RAB10: variants seen among roughly 807,000 people sequenced by gnomAD.
RAB10 encodes the protein RAB10, member RAS oncogene family.
In RAB10, 5 loss-of-function variants were observed where a neutral mutation model predicts 25.7. The observed-to-expected ratio is 0.19, with a 90% CI of 0.10 to 0.41. The LOEUF is 0.41. Among genes scored for constraint, RAB10 ranks in the 10% least tolerant of loss-of-function variants. The pLI is 1.00. For synonymous variants in RAB10, 89 were observed against 86.4 expected (o/e 1.03, Z -0.16); for missense variants, 103 against 245.8 (o/e 0.42, Z 3.89).
chr2:26,073,791 A>G (rs1269275972), intron 1 of RAB10, among the ~76,000 whole-genome samples: 1 of 152,210 alleles, frequency 6.6e-6, no homozygotes, highest in Non-Finnish European at 1.5e-5. Context: ...TACAGAAGGG[A>G]ATGATTCGAG....
chr2:26,108,732 G>A (rs1240886712), intron 2 of RAB10, among the ~76,000 whole-genome samples: 2 of 152,058 alleles, frequency 1.3e-5, no homozygotes, highest in African/African-American at 2.4e-5. Context: ...AAAGCTGGGT[G>A]AAAGGTACCC....
intron 1 of RAB10, among the ~76,000 whole-genome samples, chr2:26,054,054 T>TTC (rs1427170739): frequency 0.02 from 2,871 of 144,518 alleles, 137 homozygotes; most frequent in African/African-American, 0.074. Flanking sequence ...TTTTTTTTTT[T>TTC]CCTGTTTTTT....
upstream of RAB10, among the ~76,000 whole-genome samples, chr2:26,033,830 G>T (rs1418706194): frequency 6.6e-6 from 1 of 152,212 alleles, no homozygotes; most frequent in Non-Finnish European, 1.5e-5. Flanking sequence ...CTGCGCAGTC[G>T]CTAGGTAGCG....
chr2:26,123,412 G>A (rs1000016526), intron 3 of RAB10, among the ~76,000 whole-genome samples: 5 of 152,116 alleles, frequency 3.3e-5, no homozygotes, highest in South Asian at 2.1e-4. Flanking sequence ...GAATTACACC[G>A]CTGAAGATGC....
rs751798339 is a variant in RAB10 at position 26,034,677 on chromosome 2, C to T, written c.69C>T (p.Thr23=). 7 of 1,614,124 alleles carry T rather than the reference C, an allele frequency of 4.3e-6. No homozygotes were observed. The highest frequency in any genetic ancestry group is 4.0e-5 in the African/African-American group (3 of 74,948). The part of the protein sequence containing the change: ...LLIGDSGVGK[T]CVLFRFSDDA... ...TCGGGGATTCCGGAGTGGGGAAGAC[C>T]TGCGTCCTTTTTCGTTTTTCGGATG... is the stretch of plus-strand genomic sequence containing the variant. Residue 23 remains threonine (T), a synonymous_variant, in exon 1 of 6, where the codon ACC becomes ACT. Coordinates refer to ENST00000264710, the MANE Select transcript of RAB10 (RefSeq NM_016131.5).
intron 5 of RAB10, among the ~76,000 whole-genome samples, chr2:26,129,207 T>C (rs546337402): frequency 7.4e-5 from 11 of 148,756 alleles, no homozygotes; most frequent in African/African-American, 2.8e-4. Context: ...GAGTCAGAGG[T>C]TGCAGTGAGC....
At chr2:26,132,562 A>G (rs928690516) in intron 5 of RAB10, among the ~76,000 whole-genome samples, 3 of 152,110 alleles carry the variant, frequency 2.0e-5, no homozygotes, top group African/African-American at 7.2e-5. Context: ...CTGAAAACAT[A>G]TGTTTAAGAA....
chr2:26,057,662 C>T (rs930234006), intron 1 of RAB10, among the ~76,000 whole-genome samples: 8 of 43,912 alleles, frequency 1.8e-4, no homozygotes, highest in Non-Finnish European at 4.1e-4. Context: ...TCACTCTTTC[C>T]CCAAGGCTGG....
Position 26,034,140 on chromosome 2 carries a change from C to A in RAB10, c.-469C>A. ...GGCACGGGGAAAAGGTGGCTCTGGC[C>A]GGGGTGGCTCGGTTTCCTGGGGCTA... On this transcript the variant is annotated 5_prime_UTR_variant, in exon 1 of 6. Transcript: ENST00000264710. 2.5e-6 allele frequency: 1 copy of A among 406,660 alleles called. No homozygotes were observed. Among genetic ancestry groups the A allele is most frequent in the Non-Finnish European group, 4.3e-6 (1 of 230,022 alleles). The allele number at this position is 406,660 out of a possible 1,614,324, so 25.2% of individuals were successfully genotyped here.
intron 3 of RAB10, among the ~76,000 whole-genome samples, chr2:26,125,544 G>A (rs1667887766): frequency 6.7e-6 from 1 of 150,370 alleles, no homozygotes; most frequent in Admixed American, 6.7e-5. Context: ...CAACTTCCCA[G>A]GCTCAAGTGA....
chr2:26,099,345 G>T (rs1667292988), intron 2 of RAB10, among the ~76,000 whole-genome samples: 1 of 152,066 alleles, frequency 6.6e-6, no homozygotes, highest in Non-Finnish European at 1.5e-5. Context: ...TGTAAAATTT[G>T]TTAAGTTTTG....
intron 2 of RAB10, among the ~76,000 whole-genome samples, chr2:26,099,315 T>C (rs926317076): frequency 3.3e-5 from 5 of 152,178 alleles, no homozygotes; most frequent in African/African-American, 9.7e-5. Context: ...CTAACTGATA[T>C]AGAATAAGTG....
chr2:26,088,392 T>G (rs1042064349), intron 1 of RAB10, among the ~76,000 whole-genome samples: 2 of 152,202 alleles, frequency 1.3e-5, no homozygotes, highest in African/African-American at 4.8e-5. Flanking sequence ...TGTTTTTACA[T>G]AAGCAAAACC....
chr2:26,039,734 C>T (rs375970439), intron 1 of RAB10, among the ~76,000 whole-genome samples: 121 of 151,900 alleles, frequency 8.0e-4, no homozygotes, highest in Admixed American at 1.2e-3. Flanking sequence ...TTGTTGAGGG[C>T]AGGCTCAGTG....
intron 2 of RAB10, among the ~76,000 whole-genome samples, chr2:26,100,700 G>T (rs2149280837): frequency 6.6e-6 from 1 of 152,206 alleles, no homozygotes; most frequent in African/African-American, 2.4e-5. Flanking sequence ...ACATAATGAA[G>T]TTATTCCTTA....
intron 1 of RAB10, among the ~76,000 whole-genome samples, chr2:26,081,247 T>G (rs548289373): frequency 3.3e-5 from 5 of 152,316 alleles, no homozygotes; most frequent in African/African-American, 1.2e-4. Flanking sequence ...TACCCAGCCT[T>G]GGGTATGTCT....
intron 1 of RAB10, among the ~76,000 whole-genome samples, chr2:26,063,820 AAG>A (rs760116478): frequency 2.0e-5 from 3 of 152,118 alleles, no homozygotes; most frequent in Non-Finnish European, 4.4e-5. Flanking sequence ...TTGGAGAGAC[AAG>A]AGTCTCACTC....
At chr2:26,106,538 A>G (rs916792807) in intron 2 of RAB10, among the ~76,000 whole-genome samples, 1 of 152,216 alleles carries the variant, frequency 6.6e-6, no homozygotes, top group African/African-American at 2.4e-5. Context: ...GCAATAGGAC[A>G]TTCATAGAAA....
At chr2:26,051,714 A>G (rs368150547) in intron 1 of RAB10, among the ~76,000 whole-genome samples, 1 of 150,944 alleles carries the variant, frequency 6.6e-6, no homozygotes, top group South Asian at 2.1e-4. Context: ...AGATTGCGCC[A>G]CTGCACTCTA....
Sources: gnomAD v4.1 joint callset for allele counts (sites outside exome capture counted in the v4.1 genomes callset) on GRCh38, gnomAD v4.1.1 for gene constraint, MANE v1.5 for transcripts, NCBI Gene and HGNC (gene_info 2026-07-23, HGNC 2026-07-21) for gene names.